The following SLC35F3 variants were observed in gnomAD, a reference collection of about 807,000 sequenced individuals.
The protein encoded by SLC35F3 is putative thiamine transporter SLC35F3.
A neutral mutation model predicts 49.9 loss-of-function variants in SLC35F3; 25 were observed. That is an observed-to-expected ratio of 0.50 (90% CI 0.37 to 0.70). The LOEUF is 0.70. SLC35F3 is among the 30% of genes least tolerant of loss of function. The probability of loss-of-function intolerance (pLI) is 0.00; values close to 1 mark genes in which losing one functional copy is unlikely to be tolerated. For missense variants in SLC35F3, 525 were observed against 639.8 expected, an observed-to-expected ratio of 0.82 and a Z score of 1.94; for synonymous variants, 275 against 265.4, an observed-to-expected ratio of 1.04 and a Z score of -0.35.
intron 2 of SLC35F3, among the ~76,000 whole-genome samples, chr1:233,947,465 T>C (rs1316227038): frequency 6.7e-6 from 1 of 150,228 alleles, no homozygotes; most frequent in African/African-American, 2.5e-5. Context: ...TTGTTCTTCC[T>C]CCAGCCCCAT....
At position 234,078,227 on chromosome 1, in the gene SLC35F3, C is replaced by T. The variant is rs566817132; in HGVS notation, c.284-153190C>T. ...TCTCATATTAAAAATCAAAACTACA[C>T]AAAAACTGCCTCTCTTAAAGATTTG... On this transcript the variant is annotated intron_variant, in intron 2 of 7. Transcript: ENST00000366618. Among the ~76,000 whole-genome samples the T allele has an allele frequency of 4.6e-5, 7 of 152,208 alleles. No homozygotes were observed. The East Asian group carries it at 1.2e-3, about 25-fold the overall frequency.
At chr1:233,981,648 A>T (rs1234402562) in intron 2 of SLC35F3, among the ~76,000 whole-genome samples, 1 of 151,350 alleles carries the variant, frequency 6.6e-6, no homozygotes, top group Non-Finnish European at 1.5e-5. Context: ...GTGTGGACAG[A>T]ATTCCACTTT....
chr1:234,290,167 T>C (rs900100012), intron 3 of SLC35F3, among the ~76,000 whole-genome samples: 2 of 151,760 alleles, frequency 1.3e-5, no homozygotes, highest in Admixed American at 1.3e-4. Context: ...TGATGAGAAA[T>C]ACAAAAAATA....
At chr1:233,921,311 C>T (rs1662054312) in intron 2 of SLC35F3, among the ~76,000 whole-genome samples, 1 of 152,168 alleles carries the variant, frequency 6.6e-6, no homozygotes, top group African/African-American at 2.4e-5. Context: ...CACCCCGACA[C>T]ATGCACAGTC....
chr1:234,094,891 A>G (rs1665095346), intron 2 of SLC35F3, among the ~76,000 whole-genome samples: 1 of 152,220 alleles, frequency 6.6e-6, no homozygotes, highest in East Asian at 1.9e-4. Flanking sequence ...AGACATGTGC[A>G]CACATACACA....
rs1356613902 is a variant in SLC35F3 at position 234,323,362 on chromosome 1, G to A, written c.*119G>A. 1.3e-6 allele frequency: 1 copy of A among 792,500 alleles called. No individual in the cohort carries two copies. Among genetic ancestry groups the A allele is most frequent in the East Asian group, 2.7e-5 (1 of 37,166 alleles). 49.1% of individuals were successfully genotyped at this position (792,500 alleles called of 1,614,324 possible). ...TTGGTCATCTGCGGTAAGTTCTATGGTATTTATTGGCATGTCCAATTTGCT... is the reference window on the plus strand; with the variant it reads ...TTGGTCATCTGCGGTAAGTTCTATGATATTTATTGGCATGTCCAATTTGCT... On this transcript the variant is annotated 3_prime_UTR_variant, in exon 8 of 8. Transcript: ENST00000366618. The surrounding 1 kb of genome is among the most constrained non-coding windows in gnomAD (Gnocchi z 4.5).
chr1:234,143,913 G>A (rs1295454129), intron 2 of SLC35F3, among the ~76,000 whole-genome samples: 1 of 152,108 alleles, frequency 6.6e-6, no homozygotes, highest in Non-Finnish European at 1.5e-5. Context: ...TATGATGGAG[G>A]GATCTCTTGT....
At chr1:234,307,394 C>G (rs1319193645) in intron 3 of SLC35F3, among the ~76,000 whole-genome samples, 2 of 152,214 alleles carry the variant, frequency 1.3e-5, no homozygotes, top group Non-Finnish European at 2.9e-5. Context: ...TCTCCTCTCT[C>G]AATATCCCAG....
intron 2 of SLC35F3, among the ~76,000 whole-genome samples, chr1:234,148,855 A>G (rs1054905680): frequency 7.2e-5 from 11 of 152,222 alleles, no homozygotes; most frequent in African/African-American, 2.7e-4. Context: ...GGAAGAGGAA[A>G]AAAAAGAAAT....
chr1:234,082,401 A>C (rs12032360), intron 2 of SLC35F3, among the ~76,000 whole-genome samples: 40,611 of 152,074 alleles, frequency 0.27, 5,686 homozygotes, highest in Admixed American at 0.3. Flanking sequence ...TGTCACAAAA[A>C]TTCTCAACCT....
chr1:234,077,166 G>A (rs936600937), intron 2 of SLC35F3, among the ~76,000 whole-genome samples: 16 of 151,290 alleles, frequency 1.1e-4, no homozygotes, highest in African/African-American at 2.4e-4. Context: ...CACCGCGCCC[G>A]GCTAATTTTT....
chr1:233,942,771 C>T (rs1158792607), intron 2 of SLC35F3, among the ~76,000 whole-genome samples: 1 of 152,180 alleles, frequency 6.6e-6, no homozygotes, highest in Non-Finnish European at 1.5e-5. Context: ...ACTCTAGGCT[C>T]TATGTTGTAC....
intron 2 of SLC35F3, among the ~76,000 whole-genome samples, chr1:234,071,377 G>T (rs984432930): frequency 1.7e-4 from 26 of 152,140 alleles, no homozygotes; most frequent in African/African-American, 6.0e-4. Flanking sequence ...CAGAAAGCTT[G>T]TTCCCATCCT....
At chr1:234,017,488 T>C (rs1043982755) in intron 2 of SLC35F3, among the ~76,000 whole-genome samples, 1 of 151,118 alleles carries the variant, frequency 6.6e-6, no homozygotes, top group African/African-American at 2.4e-5. Flanking sequence ...CTGAGGCGGG[T>C]GGATCACGAG....
chr1:233,989,196 G>A (rs920258082), intron 2 of SLC35F3, among the ~76,000 whole-genome samples: 2 of 152,208 alleles, frequency 1.3e-5, no homozygotes, highest in Non-Finnish European at 2.9e-5. Context: ...CTTTCAGAAT[G>A]TTTAAATACA....
At chr1:234,292,031 T>C (rs1365651280) in intron 3 of SLC35F3, among the ~76,000 whole-genome samples, 1 of 152,146 alleles carries the variant, frequency 6.6e-6, no homozygotes, top group African/African-American at 2.4e-5. Flanking sequence ...ACTGCACGTG[T>C]CTGGGTTTGG....
At chr1:234,090,555 G>T (rs1665027103) in intron 2 of SLC35F3, among the ~76,000 whole-genome samples, 1 of 152,246 alleles carries the variant, frequency 6.6e-6, no homozygotes, top group South Asian at 2.1e-4. Context: ...TATGGGGAAA[G>T]TTAACTGGCA....
At chr1:234,237,751 G>A (rs1189553342) in intron 3 of SLC35F3, among the ~76,000 whole-genome samples, 1 of 152,182 alleles carries the variant, frequency 6.6e-6, no homozygotes, top group East Asian at 1.9e-4. Context: ...CTCAGGTGCT[G>A]TTCTAGGAAC....
intron 2 of SLC35F3, among the ~76,000 whole-genome samples, chr1:234,190,849 C>T (rs1311272993): frequency 2.6e-5 from 4 of 152,070 alleles, no homozygotes; most frequent in Admixed American, 6.6e-5. Context: ...TGCTTGAGAC[C>T]GTCATTACAA....
Sources: gnomAD v4.1 joint callset for allele counts (sites outside exome capture counted in the v4.1 genomes callset) on GRCh38, gnomAD v4.1.1 for gene constraint, Gnocchi (gnomAD v3.1) non-coding constraint, MANE v1.5 for transcripts, NCBI Gene and HGNC (gene_info 2026-07-23, HGNC 2026-07-21) for gene names.